NEK5: variants seen among roughly 807,000 people sequenced by gnomAD.
The protein encoded by NEK5 is serine/threonine-protein kinase Nek5.
NEK5 carries 88 observed loss-of-function variants against 109.2 expected under a neutral mutation model. That is an observed-to-expected ratio of 0.81 (90% CI 0.68 to 0.96). NEK5 has a LOEUF of 0.96. Among genes scored for constraint, NEK5 ranks in the 40% least tolerant of loss-of-function variants. The pLI is 0.00. For missense variants in NEK5, 834 were observed against 920.7 expected (o/e 0.91, Z 1.22); for synonymous variants, 283 against 299.9 (o/e 0.94, Z 0.58).
chr13:52,048,076 G>A (rs1954474257), intron 23 of NEK5, among the ~76,000 whole-genome samples: 1 of 152,098 alleles, frequency 6.6e-6, no homozygotes, highest in African/African-American at 2.4e-5. Context: ...CTATACCACT[G>A]TAGGATGACT....
intron 16 of NEK5, among the ~76,000 whole-genome samples, chr13:52,085,601 G>A (rs977976012): frequency 7.2e-5 from 11 of 152,332 alleles, no homozygotes; most frequent in African/African-American, 2.6e-4. Context: ...GTGCCTGCAA[G>A]CTTCTCCTAG....
At chr13:52,065,673 A>G in intron 20 of NEK5, 64 bp from the exon 21 acceptor site, 2 of 1,196,866 alleles carry the variant, frequency 1.7e-6, no homozygotes, top group Non-Finnish European at 2.4e-6. Context: ...TGTCCCAAAC[A>G]CTTCTTAGGA....
intron 12 of NEK5, among the ~76,000 whole-genome samples, chr13:52,096,621 GC>G (rs1221612488): frequency 1.3e-5 from 2 of 152,160 alleles, no homozygotes; most frequent in Admixed American, 1.3e-4. Context: ...TCAAGATGTG[GC>G]CTGGCTGCTC....
intron 16 of NEK5, among the ~76,000 whole-genome samples, chr13:52,084,319 C>G (rs1955073606): frequency 6.6e-6 from 1 of 152,090 alleles, no homozygotes; most frequent in Non-Finnish European, 1.5e-5. Flanking sequence ...CAGCTTCAAC[C>G]TCAGCCTCCC....
chr13:52,054,858 G>C (rs889883338), intron 22 of NEK5, among the ~76,000 whole-genome samples: 1 of 150,550 alleles, frequency 6.6e-6, no homozygotes. Context: ...AAAAAACAGA[G>C]CAGAAAAACT....
intron 22 of NEK5, among the ~76,000 whole-genome samples, chr13:52,056,509 ACAC>A (rs1295953224): frequency 6.8e-6 from 1 of 148,010 alleles, no homozygotes; most frequent in Admixed American, 6.8e-5. Context: ...TTTCAGCACC[ACAC>A]CACACCTATT....
At chr13:52,040,159 A>C (rs1013108344) in intron 23 of NEK5, among the ~76,000 whole-genome samples, 2 of 145,284 alleles carry the variant, frequency 1.4e-5, no homozygotes, top group African/African-American at 2.6e-5. Flanking sequence ...ACCTCGGCTC[A>C]CTGCAACCTC....
chr13:52,080,286 C>T (rs2137847857), intron 17 of NEK5, among the ~76,000 whole-genome samples: 1 of 149,058 alleles, frequency 6.7e-6, no homozygotes, highest in East Asian at 2.1e-4. Context: ...CAGCCCCCCG[C>T]CCGGCCAGCC....
chr13:52,050,804 C>A (rs1212939145), intron 22 of NEK5, among the ~76,000 whole-genome samples: 1 of 150,250 alleles, frequency 6.7e-6, no homozygotes, highest in Non-Finnish European at 1.5e-5. Flanking sequence ...ACTGCAACCT[C>A]TGCCTCCCAG....
intron 15 of NEK5, among the ~76,000 whole-genome samples, chr13:52,086,876 C>T (rs780371888): frequency 5.9e-5 from 9 of 152,122 alleles, no homozygotes; most frequent in Non-Finnish European, 1.0e-4. Context: ...TGGAGTGATG[C>T]GACTGCAAGT....
intron 22 of NEK5, among the ~76,000 whole-genome samples, chr13:52,058,108 A>G (rs1412489016): frequency 2.0e-5 from 3 of 149,770 alleles, no homozygotes; most frequent in African/African-American, 7.4e-5. Context: ...GCAAAGTCTC[A>G]GGATACAAAA....
intron 17 of NEK5, among the ~76,000 whole-genome samples, chr13:52,077,300 T>G (rs1404934729): frequency 1.3e-5 from 2 of 152,154 alleles, no homozygotes; most frequent in Non-Finnish European, 2.9e-5. Flanking sequence ...ATTCCGCACC[T>G]GAAACAACCA....
chr13:52,077,387 T>C (rs1201242066), intron 17 of NEK5, among the ~76,000 whole-genome samples: 1 of 152,148 alleles, frequency 6.6e-6, no homozygotes, highest in Non-Finnish European at 1.5e-5. Flanking sequence ...CAGTAATCCC[T>C]AAGAAACAGA....
intron 3 of NEK5, 143 bp downstream of exon 3, chr13:52,127,223 T>C: frequency 1.7e-6 from 1 of 578,168 alleles, no homozygotes; most frequent in South Asian, 2.1e-5. Context: ...GTTTGGACAA[T>C]GGACTTAGGA....
chr13:52,092,185 C>T lies in NEK5; in HGVS notation c.1208+869G>A, dbSNP rs376098812. 1.6e-4 allele frequency among the ~76,000 whole-genome samples: 25 copies of T among 152,162 alleles called. No homozygotes were observed. In the East Asian group the frequency reaches 3.5e-3, roughly 21 times the overall value. ...GAAAAAGAAGATAATTTATCAATTA[C>T]TTATCAATTGTAATAATCTATCAAC... On this transcript the variant is annotated intron_variant, in intron 13 of 23. Transcript: ENST00000684899.
At position 52,072,070 on chromosome 13, in the gene NEK5, C is replaced by A. The variant is rs1954793964; in HGVS notation, c.1723G>T (p.Ala575Ser). The change falls in exon 20 of 24, where the codon GCA (alanine) becomes TCA (serine). Residue 575 changes from alanine to serine, a missense_variant and splice_region_variant. Transcript: ENST00000684899. Reference sequence around the variant, plus strand: ...AAAGTTTCATTTGGTATATCCATTGCCTAAATCAATTCCACAGTGTTTCAT... The same window carrying A: ...AAAGTTTCATTTGGTATATCCATTGACTAAATCAATTCCACAGTGTTTCAT... ...SDENILQEEE[A>S]MDIPNETLTF... 1.2e-6 allele frequency: 2 copies of A among 1,608,134 alleles called. No individual in the cohort carries two copies. Among genetic ancestry groups the A allele is most frequent in the South Asian group, 2.2e-5 (2 of 90,318 alleles).
chr13:52,093,290 T>C (rs750746566), intron 12 of NEK5, 55 bp from the exon 13 acceptor site: 1 of 1,356,148 alleles, frequency 7.4e-7, no homozygotes, highest in Non-Finnish European at 1.0e-6. Context: ...CTGGGTGCAG[T>C]GGCTCACACC....
At chr13:52,089,979 A>G (rs1392438544) in intron 13 of NEK5, among the ~76,000 whole-genome samples, 1 of 152,062 alleles carries the variant, frequency 6.6e-6, no homozygotes, top group African/African-American at 2.4e-5. Context: ...AAAGAAAAAA[A>G]GAAAAGAAAA....
chr13:52,124,085 G>A (rs565948294), intron 3 of NEK5, among the ~76,000 whole-genome samples: 30 of 152,278 alleles, frequency 2.0e-4, no homozygotes, highest in Non-Finnish European at 3.2e-4. Context: ...CAAAGTGGGA[G>A]GATCACTTGA....
Sources: gnomAD v4.1 joint callset for allele counts (sites outside exome capture counted in the v4.1 genomes callset) on GRCh38, gnomAD v4.1.1 for gene constraint, MANE v1.5 for transcripts, NCBI Gene and HGNC (gene_info 2026-07-23, HGNC 2026-07-21) for gene names.